Variants in MRPS28 observed in about 807,000 individuals in gnomAD.
MRPS28 encodes the protein mitochondrial ribosomal protein S28, also known as small ribosomal subunit protein bS1m.
Under a neutral mutation model 10.8 loss-of-function variants are expected in MRPS28, and 7 were observed. That is an observed-to-expected ratio of 0.65 (90% confidence interval 0.37 to 1.22). The LOEUF is 1.22. Ranked by LOEUF, MRPS28 falls within the 50% of genes most tolerant of loss-of-function variation. MRPS28 has a pLI of 0.02. For synonymous variants in MRPS28, 121 were observed against 93.3 expected (o/e 1.30, Z -1.71); for missense variants, 265 against 232.9 (o/e 1.14, Z -0.90).
intron 2 of MRPS28, among the ~76,000 whole-genome samples, chr8:79,920,885 T>C (rs1422905520): frequency 2.6e-5 from 4 of 152,208 alleles, no homozygotes; most frequent in East Asian, 1.9e-4. Context: ...CTGAATAGTA[T>C]TGCCTAGGTT....
intron 1 of MRPS28, among the ~76,000 whole-genome samples, chr8:80,027,876 C>T (rs1015929049): frequency 8.5e-5 from 13 of 152,160 alleles, no homozygotes; most frequent in African/African-American, 3.1e-4. Flanking sequence ...GTTTTCTAAA[C>T]TGTGTTAGAC....
At chr8:79,972,120 T>C (rs1346756545) in intron 2 of MRPS28, among the ~76,000 whole-genome samples, 7 of 151,926 alleles carry the variant, frequency 4.6e-5, no homozygotes, top group Admixed American at 4.6e-4. Context: ...CAACCACAAA[T>C]AGAAAATATT....
intron 1 of MRPS28, among the ~76,000 whole-genome samples, chr8:80,008,703 G>C (rs1808938358): frequency 1.3e-5 from 2 of 152,210 alleles, no homozygotes; most frequent in South Asian, 4.1e-4. Context: ...TCAGAGAAAT[G>C]CAAATCAAAA....
chr8:79,945,575 T>C (rs747107444), intron 2 of MRPS28, among the ~76,000 whole-genome samples: 73 of 152,196 alleles, frequency 4.8e-4, no homozygotes, highest in Non-Finnish European at 1.2e-4. Context: ...GTGGTGATGG[T>C]TGCAAAACAT....
intron 1 of MRPS28, among the ~76,000 whole-genome samples, chr8:80,011,136 T>TTA (rs200495231): frequency 3.1e-4 from 41 of 133,320 alleles, no homozygotes; most frequent in African/African-American, 1.4e-3. Flanking sequence ...TATTTTTTTA[T>TTA]TTTTATTTTT....
rs920011036 is a variant in MRPS28 at position 80,002,153 on chromosome 8, G to T, written c.395+846C>A. ...AGAGAGGCAACTCGTTCTCATAATT[G>T]CTCTCCTAGGTCTACAGTAGACTCT... On this transcript the variant is annotated intron_variant, in intron 2 of 2. Transcript: ENST00000276585. 2.5e-4 allele frequency among the ~76,000 whole-genome samples: 38 copies of T among 152,074 alleles called. 1 individual carries two copies. Among genetic ancestry groups the T allele is most frequent in the African/African-American group, 9.2e-4 (38 of 41,484 alleles).
rs758716083 is a variant in MRPS28 at position 79,919,015 on chromosome 8, CTT to C, written c.527_528del (p.Lys176ArgfsTer10). 3 of 1,581,470 alleles carry C rather than the reference CTT, an allele frequency of 1.9e-6. No individual in the cohort carries two copies. The highest frequency in any genetic ancestry group is 2.6e-6 in the Non-Finnish European group (3 of 1,167,532). ...NAVLLGIQES[K>X]DSRSKEEHHE... ...TGATGTTCTTCTTTCGATCTTGAGT[CTT>C]TACTCTCCTGGATTCCCAAGAGAAC... On this transcript the variant is annotated frameshift_variant, in exon 3 of 3. Transcript: ENST00000276585. LOFTEE classifies it high-confidence loss of function.
intron 2 of MRPS28, among the ~76,000 whole-genome samples, chr8:79,964,999 T>C (rs1488974386): frequency 6.6e-6 from 1 of 152,154 alleles, no homozygotes; most frequent in Non-Finnish European, 1.5e-5. Context: ...CTCTAGTAAG[T>C]AGATGAATTC....
At chr8:79,966,705 T>G (rs1319348082) in intron 2 of MRPS28, among the ~76,000 whole-genome samples, 2 of 152,160 alleles carry the variant, frequency 1.3e-5, no homozygotes, top group African/African-American at 4.8e-5. Flanking sequence ...TTCTTGTGAA[T>G]TAATTTATTT....
chr8:79,964,303 C>A (rs1807449493), intron 2 of MRPS28, among the ~76,000 whole-genome samples: 1 of 151,924 alleles, frequency 6.6e-6, no homozygotes, highest in Non-Finnish European at 1.5e-5. Flanking sequence ...GGCCCACTTC[C>A]CAAAGTAGTG....
rs990896329 is a variant in MRPS28 at position 79,934,522 on chromosome 8, A to G, written c.396-15374T>C. On this transcript the variant is annotated intron_variant, in intron 2 of 2. Transcript: ENST00000276585. ...AAAGTTTACATTTTAACCTTAAAAT[A>G]CAGTTAACATCTAGGCTAACATCCA... Among the ~76,000 whole-genome samples the G allele has an allele frequency of 9.8e-5, 15 of 152,364 alleles. No individual in the cohort carries two copies. In the East Asian group the frequency reaches 1.2e-3, roughly 12 times the overall value.
intron 1 of MRPS28, among the ~76,000 whole-genome samples, chr8:80,007,714 A>G (rs1808895769): frequency 6.6e-6 from 1 of 152,230 alleles, no homozygotes. Flanking sequence ...CCAACTTACA[A>G]GGGACGTGAA....
chr8:80,018,366 A>C (rs1809260660), intron 1 of MRPS28, among the ~76,000 whole-genome samples: 1 of 151,594 alleles, frequency 6.6e-6, no homozygotes, highest in African/African-American at 2.4e-5. Flanking sequence ...TACAAATGGC[A>C]AACAGGCTTA....
chr8:79,939,129 A>T (rs1205459521), intron 2 of MRPS28, among the ~76,000 whole-genome samples: 1 of 152,092 alleles, frequency 6.6e-6, no homozygotes, highest in Non-Finnish European at 1.5e-5. Flanking sequence ...TTCACTAATG[A>T]TTTTCATCCT....
At chr8:79,946,478 T>C (rs571428005) in intron 2 of MRPS28, among the ~76,000 whole-genome samples, 4 of 152,070 alleles carry the variant, frequency 2.6e-5, no homozygotes, top group Non-Finnish European at 5.9e-5. Context: ...TAAAATCTTA[T>C]AGAAAAAGAA....
intron 2 of MRPS28, among the ~76,000 whole-genome samples, chr8:79,994,518 A>C (rs903592551): frequency 2.0e-5 from 3 of 152,084 alleles, no homozygotes; most frequent in African/African-American, 7.2e-5. Flanking sequence ...CTCACCAACC[A>C]CAACTATTCA....
At chr8:80,005,511 G>A (rs1042768105) in intron 1 of MRPS28, among the ~76,000 whole-genome samples, 11 of 152,100 alleles carry the variant, frequency 7.2e-5, no homozygotes, top group South Asian at 4.2e-4. Flanking sequence ...AGGAACAACC[G>A]GTACCAGACA....
chr8:79,997,611 G>A (rs1272543977), intron 2 of MRPS28, among the ~76,000 whole-genome samples: 3 of 150,252 alleles, frequency 2.0e-5, no homozygotes, highest in African/African-American at 4.9e-5. Context: ...AGCAGAGATG[G>A]GGGAAAAAAA....
chr8:79,958,054 T>A (rs1236588407), intron 2 of MRPS28: 1 of 220,798 alleles, frequency 4.5e-6, no homozygotes, highest in Non-Finnish European at 8.8e-6. Context: ...AGTGTATAAT[T>A]CAGTGACTTT....
Sources: allele counts gnomAD v4.1 joint callset (sites outside exome capture counted in the v4.1 genomes callset), GRCh38; gene constraint gnomAD v4.1.1; transcripts MANE v1.5; gene names NCBI Gene and HGNC (gene_info 2026-07-23, HGNC 2026-07-21).